SYNPR: variants seen among roughly 807,000 people sequenced by gnomAD.
SYNPR encodes the protein synaptoporin.
A neutral mutation model predicts 32.9 loss-of-function variants in SYNPR; 23 were observed. That is an observed-to-expected ratio of 0.70 (90% CI 0.50 to 0.99). The LOEUF (loss-of-function observed/expected upper bound fraction) is 0.99, where lower values mean the gene tolerates loss of function less well. Among genes scored for constraint, SYNPR ranks in the 50% least tolerant of loss-of-function variants. The pLI, the probability that SYNPR is intolerant of heterozygous loss-of-function variation, is 0.00. For missense variants in SYNPR, 318 were observed against 349.3 expected (o/e 0.91, Z 0.71); for synonymous variants, 146 against 135.9 (o/e 1.07, Z -0.52).
Position 63,408,319 on chromosome 3 carries a change from GGAAAGAAAGAAAGAAAGAAAGAAA to G in SYNPR, c.85-72472_85-72449del, listed in dbSNP as rs1214316826. On this transcript the variant is annotated intron_variant, in intron 2 of 5. Coordinates refer to ENST00000478300, the MANE Select transcript of SYNPR (RefSeq NM_001130003.2). ...AGGAAGGAAGGAAGGAAGGAAGGAA[GGAAAGAAAGAAAGAAAGAAAGAAA>G]GAAAGAAAGAAAGAAAGAAAGAAAG... Among the ~76,000 whole-genome samples, 23 of 16,834 alleles carry G rather than the reference GGAAAGAAAGAAAGAAAGAAAGAAA, an allele frequency of 1.4e-3. 2 individuals carry two copies. In the East Asian group the frequency reaches 0.044, roughly 32 times the overall value. The allele number at this position is 16,834 out of a possible 152,430, so 11.0% of individuals were successfully genotyped here.
chr3:63,460,345 CA>C (rs1457502101), intron 2 of SYNPR, among the ~76,000 whole-genome samples: 2 of 151,960 alleles, frequency 1.3e-5, no homozygotes, highest in African/African-American at 2.4e-5. Context: ...TAATTTCCAC[CA>C]GAACACTCTT....
intron 3 of SYNPR, among the ~76,000 whole-genome samples, chr3:63,525,494 T>C (rs1200518936): frequency 6.6e-6 from 1 of 152,212 alleles, no homozygotes; most frequent in African/African-American, 2.4e-5. Flanking sequence ...TCACCTTCCC[T>C]GACCATATTT....
In SYNPR at chr3:63,278,429, C is replaced by T. The variant is rs895642564; in HGVS notation, c.-105C>T. 7.0e-7 allele frequency: 1 copy of T among 1,422,836 alleles called. No homozygotes were observed. Among genetic ancestry groups the T allele is most frequent in the Non-Finnish European group, 9.4e-7 (1 of 1,067,204 alleles). The allele number at this position is 1,422,836 out of a possible 1,614,324, so 88.1% of individuals were successfully genotyped here. On this transcript the variant is annotated 5_prime_UTR_variant, in exon 1 of 6. Transcript: ENST00000478300. ...GCCGGGCTGCTCCAGGGTGTCGCTCCTCTGGCTGCTCCCGAAGGGGCTTCT... is the reference window on the plus strand; with the variant it reads ...GCCGGGCTGCTCCAGGGTGTCGCTCTTCTGGCTGCTCCCGAAGGGGCTTCT...
intron 2 of SYNPR, among the ~76,000 whole-genome samples, chr3:63,451,163 T>C (rs968733202): frequency 1.3e-5 from 2 of 152,174 alleles, no homozygotes; most frequent in Admixed American, 6.5e-5. Context: ...ATTGCTGTCA[T>C]AGATGAAATA....
intron 5 of SYNPR, among the ~76,000 whole-genome samples, chr3:63,610,304 T>C (rs552662559): frequency 1.2e-4 from 18 of 152,320 alleles, no homozygotes; most frequent in African/African-American, 4.1e-4. Context: ...AAGAATTTGT[T>C]ATTATTCCAA....
At chr3:63,564,266 G>A (rs760133822) in intron 4 of SYNPR, among the ~76,000 whole-genome samples, 7 of 148,784 alleles carry the variant, frequency 4.7e-5, no homozygotes, top group East Asian at 2.0e-4. Context: ...AGTCGATCTC[G>A]GCTCACTGCA....
chr3:63,234,192 CAA>C (rs890451863), intron 1 of SYNPR, among the ~76,000 whole-genome samples: 3 of 152,072 alleles, frequency 2.0e-5, no homozygotes, highest in African/African-American at 7.2e-5. Context: ...TGGCAGCAGA[CAA>C]AGAGAGAGAG....
chr3:63,592,910 T>C (rs912123628), intron 4 of SYNPR, among the ~76,000 whole-genome samples: 1 of 152,080 alleles, frequency 6.6e-6, no homozygotes, highest in African/African-American at 2.4e-5. Flanking sequence ...AAAAATACTA[T>C]GAAAATGTAT....
intron 4 of SYNPR, among the ~76,000 whole-genome samples, chr3:63,604,949 T>C (rs1429374812): frequency 6.6e-6 from 1 of 152,242 alleles, no homozygotes; most frequent in East Asian, 1.9e-4. Flanking sequence ...TGATATATTC[T>C]TATGTAATGT....
chr3:63,553,150 C>T (rs1230955522), intron 3 of SYNPR, among the ~76,000 whole-genome samples: 5 of 152,094 alleles, frequency 3.3e-5, no homozygotes, highest in Middle Eastern at 3.2e-3. Context: ...TCTGTGTGTG[C>T]TTCATGTTTA....
chr3:63,232,838 AAAAC>A (rs1165108351), intron 1 of SYNPR, among the ~76,000 whole-genome samples: 6 of 152,212 alleles, frequency 3.9e-5, no homozygotes, highest in Admixed American at 1.3e-4. Context: ...AAACTAGAAA[AAAAC>A]AAAGATGCGG....
At chr3:63,347,727 T>C (rs1360719508) in intron 2 of SYNPR, among the ~76,000 whole-genome samples, 1 of 152,134 alleles carries the variant, frequency 6.6e-6, no homozygotes, top group African/African-American at 2.4e-5. Context: ...AAAAACGTGG[T>C]ATTTGACTGT....
At chr3:63,491,634 C>T (rs1575672688) in intron 3 of SYNPR, among the ~76,000 whole-genome samples, 1 of 152,232 alleles carries the variant, frequency 6.6e-6, no homozygotes. Context: ...GATTCTCGTG[C>T]CTCAGCCTCC....
At chr3:63,324,125 T>C (rs1337268320) in intron 2 of SYNPR, among the ~76,000 whole-genome samples, 1 of 152,150 alleles carries the variant, frequency 6.6e-6, no homozygotes, top group Admixed American at 6.5e-5. Context: ...GTCTAATGAG[T>C]ATTTTCAGTG....
chr3:63,443,162 A>G (rs1322943378), intron 2 of SYNPR: 3 of 1,183,668 alleles, frequency 2.5e-6, no homozygotes, highest in South Asian at 2.5e-5. Flanking sequence ...CCAAGCAGGC[A>G]GCGTTCACCA....
intron 2 of SYNPR, among the ~76,000 whole-genome samples, chr3:63,298,452 ACCAGCG>A (rs56306621): frequency 0.46 from 68,998 of 151,588 alleles, 15,805 homozygotes; most frequent in Middle Eastern, 0.51. Flanking sequence ...GGAATGAAGA[ACCAGCG>A]TGATGTAATA....
chr3:63,542,723 A>G (rs1175365087), intron 3 of SYNPR, among the ~76,000 whole-genome samples: 1 of 152,136 alleles, frequency 6.6e-6, no homozygotes, highest in Non-Finnish European at 1.5e-5. Context: ...AGCACCTGCC[A>G]TATACTTTTT....
At chr3:63,251,202 T>A (rs2086328448) in intron 1 of SYNPR, among the ~76,000 whole-genome samples, 1 of 151,958 alleles carries the variant, frequency 6.6e-6, no homozygotes, top group African/African-American at 2.4e-5. Context: ...AAGAAATAAA[T>A]ATGCATGAAA....
chr3:63,238,286 T>C (rs2086213955), intron 1 of SYNPR, among the ~76,000 whole-genome samples: 1 of 151,858 alleles, frequency 6.6e-6, no homozygotes, highest in Non-Finnish European at 1.5e-5. Context: ...CATTTTATCC[T>C]GACAGAAATG....
Sources: allele counts gnomAD v4.1 joint callset (sites outside exome capture counted in the v4.1 genomes callset), GRCh38; gene constraint gnomAD v4.1.1; transcripts MANE v1.5; gene names NCBI Gene and HGNC (gene_info 2026-07-23, HGNC 2026-07-21).